CENPC: variants seen among roughly 807,000 people sequenced by gnomAD.
CENPC encodes the protein CENP-C 1.
Under a neutral mutation model 112.1 loss-of-function variants are expected in CENPC, and 63 were observed. The observed-to-expected ratio is 0.56, with a 90% confidence interval of 0.46 to 0.69. The LOEUF is 0.69. Among genes scored for constraint, CENPC ranks in the 30% least tolerant of loss-of-function variants. CENPC has a pLI of 0.00. For synonymous variants in CENPC, 333 were observed against 367.6 expected (o/e 0.91, Z 1.08); for missense variants, 1,000 against 1,103.8 (o/e 0.91, Z 1.33).
rs61748758 is a variant in CENPC at position 67,495,215 on chromosome 4, A to G, written c.2132-3T>C. The G allele has an allele frequency of 0.013, 20,314 of 1,527,072 alleles. 161 individuals are homozygous for G. Among genetic ancestry groups the G allele is most frequent in the Non-Finnish European group, 0.015 (17,408 of 1,137,960 alleles). The allele number at this position is 1,527,072 out of a possible 1,614,324, so 94.6% of individuals were successfully genotyped here. The stretch of plus-strand genomic sequence containing the variant: ...CACTTTAGATTGTTTTGAGTCATCT[A>G]CAAAATGCAAAAGATAATATCATAA... On this transcript the variant is annotated splice_polypyrimidine_tract_variant and splice_region_variant and intron_variant, in intron 12 of 18. Coordinates refer to ENST00000273853, the MANE Select transcript of CENPC (RefSeq NM_001812.4).
chr4:67,482,289 G>A (rs1724978294), intron 17 of CENPC, among the ~76,000 whole-genome samples: 1 of 152,116 alleles, frequency 6.6e-6, no homozygotes, highest in African/African-American at 2.4e-5. Flanking sequence ...CAGTGAAAAG[G>A]GAACAATTTT....
At position 67,508,752 on chromosome 4, in the gene CENPC, A is replaced by T. The variant is rs968654728; in HGVS notation, c.1904+62T>A. ...ACTGCCTGTCCATAAATGACTAAAT[A>T]GCACAAATTATTAAATGCTGAACAA... is the stretch of plus-strand genomic sequence containing the variant. On this transcript the variant is annotated intron_variant, in intron 10 of 18. Transcript: ENST00000273853. 26 of 1,485,556 alleles carry T rather than the reference A, an allele frequency of 1.8e-5. No homozygotes were observed. The African/African-American group carries it at 1.8e-4, about 10-fold the overall frequency. The allele number at this position is 1,485,556 out of a possible 1,614,324, so 92.0% of individuals were successfully genotyped here.
intron 14 of CENPC, 52 bp downstream of exon 14, chr4:67,493,832 C>T (rs1725353037): frequency 8.5e-7 from 1 of 1,182,696 alleles, no homozygotes; most frequent in East Asian, 2.5e-5. Flanking sequence ...GTGTCTGGCA[C>T]ATAGTAAACA....
chr4:67,520,370 G>A (rs1726188652), intron 5 of CENPC, among the ~76,000 whole-genome samples: 1 of 152,130 alleles, frequency 6.6e-6, no homozygotes, highest in Non-Finnish European at 1.5e-5. Context: ...GACCTTCACA[G>A]CCCAAGGCAA....
chr4:67,531,603 G>C, intron 4 of CENPC, among the ~76,000 whole-genome samples: 1 of 152,146 alleles, frequency 6.6e-6, no homozygotes, highest in East Asian at 1.9e-4. Context: ...ATTTTGGTAG[G>C]CAGGGGATGC....
chr4:67,539,293 T>C (rs1239057880), intron 4 of CENPC, among the ~76,000 whole-genome samples: 1 of 152,212 alleles, frequency 6.6e-6, no homozygotes, highest in African/African-American at 2.4e-5. Flanking sequence ...CTTTTACAGT[T>C]TTCTAGTAAG....
rs929771708 is a variant in CENPC at position 67,471,564 on chromosome 4, A to G, written c.*1041T>C. The G allele has an allele frequency of 6.6e-6, 1 of 152,160 alleles. No homozygotes were observed. The highest frequency in any genetic ancestry group is 2.4e-5 in the African/African-American group (1 of 41,464). The allele number at this position is 152,160 out of a possible 1,614,324, so 9.4% of individuals were successfully genotyped here. A position where few individuals can be genotyped will look rare whatever the true frequency, so the allele number is the denominator to read the frequency against. On this transcript the variant is annotated 3_prime_UTR_variant, in exon 19 of 19. Coordinates refer to ENST00000273853, the MANE Select transcript of CENPC (RefSeq NM_001812.4). The stretch of plus-strand genomic sequence containing the variant: ...AAAAAAAATTAAAAATGACTCAATA[A>G]AAGAGAAATCACAATAGAAAATTAT...
Position 67,511,363 on chromosome 4 carries a change from A to C in CENPC, c.1612+1039T>G, listed in dbSNP as rs144905139. On this transcript the variant is annotated intron_variant, in intron 9 of 18. Transcript: ENST00000273853. ...ATTCACTTATTAATCTAAATGCCCC[A>C]AAGTCAATAGTATTTGTGTATGTGA... is the stretch of plus-strand genomic sequence containing the variant. Among the ~76,000 whole-genome samples, 17 of 152,300 alleles carry C rather than the reference A, an allele frequency of 1.1e-4. No homozygotes were observed. The East Asian group carries it at 3.1e-3, about 28-fold the overall frequency.
rs564259275 is a variant in CENPC at position 67,528,427 on chromosome 4, TTCA to T, written c.331+2385_331+2387del. Among the ~76,000 whole-genome samples, 149 of 152,286 alleles carry T rather than the reference TTCA, an allele frequency of 9.8e-4. 1 individual carries two copies. Among genetic ancestry groups the T allele is most frequent in the African/African-American group, 3.5e-3 (146 of 41,548 alleles). On this transcript the variant is annotated intron_variant, in intron 5 of 18. Coordinates refer to ENST00000273853, the MANE Select transcript of CENPC (RefSeq NM_001812.4). ...CAACCATCATCATTTCTAGAACTTT[TTCA>T]TCATTTCAAACAAATTCTGTACACA...
At chr4:67,518,612 A>G (rs185762547) in intron 6 of CENPC, among the ~76,000 whole-genome samples, 103 of 152,354 alleles carry the variant, frequency 6.8e-4, no homozygotes, top group Non-Finnish European at 1.3e-3. Flanking sequence ...GTATACATCA[A>G]TGAAATGTAT....
intron 10 of CENPC, among the ~76,000 whole-genome samples, chr4:67,507,404 A>C (rs929527871): frequency 1.3e-5 from 2 of 152,194 alleles, no homozygotes; most frequent in African/African-American, 4.8e-5. Flanking sequence ...TAGTGACTGT[A>C]TAATTCTTCA....
intron 17 of CENPC, among the ~76,000 whole-genome samples, chr4:67,487,923 A>G (rs1186712273): frequency 1.3e-5 from 2 of 151,724 alleles, no homozygotes; most frequent in African/African-American, 2.4e-5. Context: ...CTTTTTCAAA[A>G]GCATATATTT....
intron 14 of CENPC, among the ~76,000 whole-genome samples, 182 bp from the exon 15 acceptor site, chr4:67,493,179 G>T (rs1000759397): frequency 6.6e-6 from 1 of 151,716 alleles, no homozygotes; most frequent in African/African-American, 2.4e-5. Context: ...TAAATCAGAG[G>T]CTGATAAAAC....
chr4:67,536,470 G>A (rs1315323867), intron 4 of CENPC, among the ~76,000 whole-genome samples: 3 of 152,020 alleles, frequency 2.0e-5, no homozygotes, highest in Non-Finnish European at 4.4e-5. Flanking sequence ...TAAAACCTAC[G>A]GAGTCATATC....
rs372640737 is a variant in CENPC at position 67,540,955 on chromosome 4, ATTCCATC to A, written c.136+18_136+24del. On this transcript the variant is annotated intron_variant, in intron 3 of 18. Coordinates refer to ENST00000273853, the MANE Select transcript of CENPC (RefSeq NM_001812.4). ...ATATTTTCATCCATCTAACCCTTAA[ATTCCATC>A]TTGAAATGAAGCCTTACTTTTTTCT... The A allele has an allele frequency of 2.0e-4, 304 of 1,530,060 alleles. 1 individual carries two copies. In the African/African-American group the frequency reaches 3.8e-3, roughly 19 times the overall value. The allele number at this position is 1,530,060 out of a possible 1,614,324, so 94.8% of individuals were successfully genotyped here.
intron 15 of CENPC, 28 bp downstream of exon 15, chr4:67,492,839 TAA>T: frequency 6.6e-7 from 1 of 1,513,250 alleles, no homozygotes; most frequent in Non-Finnish European, 8.9e-7. Flanking sequence ...AAATAAAATC[TAA>T]AAGTTACTTT....
At chr4:67,534,429 C>T (rs933524650) in intron 4 of CENPC, among the ~76,000 whole-genome samples, 5 of 152,162 alleles carry the variant, frequency 3.3e-5, no homozygotes, top group South Asian at 2.1e-4. Flanking sequence ...GTAGTAAAAC[C>T]GAAGAGCCCC....
At chr4:67,519,602 T>C in intron 5 of CENPC, 100 bp from the exon 6 acceptor site, 1 of 826,036 alleles carries the variant, frequency 1.2e-6, no homozygotes, top group Non-Finnish European at 1.8e-6. Flanking sequence ...CAGAAATAGT[T>C]TTCAGAAAAC....
intron 3 of CENPC, 140 bp from the exon 4 acceptor site, chr4:67,540,074 T>C: frequency 2.1e-6 from 1 of 483,572 alleles, no homozygotes. Context: ...AGTAGAGACC[T>C]CAATTTAATA....
Sources: gnomAD v4.1 joint callset for allele counts (sites outside exome capture counted in the v4.1 genomes callset) on GRCh38, gnomAD v4.1.1 for gene constraint, MANE v1.5 for transcripts, NCBI Gene and HGNC (gene_info 2026-07-23, HGNC 2026-07-21) for gene names.